CAST: variants seen among roughly 807,000 people sequenced by gnomAD.
CAST encodes the protein calpastatin.
A neutral mutation model predicts 119.6 loss-of-function variants in CAST; 76 were observed. That is an observed-to-expected ratio of 0.64 (90% CI 0.53 to 0.77). CAST has a LOEUF of 0.77. Ranked by LOEUF, CAST falls within the 30% of genes least tolerant of loss-of-function variation. The pLI is 0.00. For missense variants in CAST, 953 were observed against 946.5 expected, an observed-to-expected ratio of 1.01 and a Z score of -0.09; for synonymous variants, 319 against 331.6, an observed-to-expected ratio of 0.96 and a Z score of 0.41.
chr5:96,309,524 T>A, the CAST span, among the ~76,000 whole-genome samples: 8 of 152,220 alleles, frequency 5.3e-5, no homozygotes, highest in Non-Finnish European at 8.8e-5. Flanking sequence ...TGCACCTAGT[T>A]CGGTGTCTGC....
the CAST span, among the ~76,000 whole-genome samples, chr5:96,296,980 A>G: frequency 6.6e-6 from 1 of 152,128 alleles, no homozygotes; most frequent in Non-Finnish European, 1.5e-5. Context: ...GGTTTGCATT[A>G]CTCTGAATTG....
At chr5:96,517,902 G>C in the CAST span, among the ~76,000 whole-genome samples, 2 of 152,208 alleles carry the variant, frequency 1.3e-5, no homozygotes, top group Non-Finnish European at 2.9e-5. Context: ...ACTGTGTTAA[G>C]CCCTTTGTGA....
At chr5:96,753,732 C>T (rs562108425) in intron 20 of CAST, among the ~76,000 whole-genome samples, 2 of 152,294 alleles carry the variant, frequency 1.3e-5, no homozygotes, top group South Asian at 4.2e-4. Context: ...ATAAAGACCA[C>T]GTCTTTCTTT....
At chr5:96,668,252 A>T (rs983125705) in intron 1 of CAST, among the ~76,000 whole-genome samples, 14 of 152,208 alleles carry the variant, frequency 9.2e-5, no homozygotes, top group African/African-American at 3.4e-4. Flanking sequence ...TTGTTGGGAA[A>T]ATGAATTCTT....
At chr5:95,965,539 A>G in the CAST span, among the ~76,000 whole-genome samples, 4 of 152,234 alleles carry the variant, frequency 2.6e-5, no homozygotes, top group Non-Finnish European at 5.9e-5. Flanking sequence ...AAAAGAGAAC[A>G]TAGAACCTTA....
the CAST span, among the ~76,000 whole-genome samples, chr5:96,281,627 C>T: frequency 1.3e-5 from 2 of 152,156 alleles, no homozygotes; most frequent in Non-Finnish European, 2.9e-5. Context: ...CCCTGGTTCA[C>T]AATGGAGCTC....
chr5:96,094,424 CT>C, the CAST span, among the ~76,000 whole-genome samples: 5,090 of 143,978 alleles, frequency 0.035, 131 homozygotes, highest in South Asian at 0.081. Flanking sequence ...GTAGGGTGAC[CT>C]TTTTTTTTTT....
the CAST span, among the ~76,000 whole-genome samples, chr5:96,221,748 GA>G: frequency 2.9e-4 from 44 of 151,372 alleles, 1 homozygote; most frequent in Non-Finnish European, 2.5e-4. Flanking sequence ...CACAGAAATA[GA>G]AAAAAAATCC....
At chr5:96,226,433 T>C in the CAST span, among the ~76,000 whole-genome samples, 1 of 152,120 alleles carries the variant, frequency 6.6e-6, no homozygotes, top group African/African-American at 2.4e-5. Flanking sequence ...GGCAGATTGC[T>C]TGAGCTCAGG....
the CAST span, among the ~76,000 whole-genome samples, chr5:96,047,019 G>C: frequency 6.6e-6 from 1 of 152,130 alleles, no homozygotes; most frequent in Non-Finnish European, 1.5e-5. Flanking sequence ...TTGAGATTTG[G>C]GTAGGGACAC....
chr5:96,595,509 A>G (rs926514229), intron 1 of CAST, among the ~76,000 whole-genome samples: 1 of 152,212 alleles, frequency 6.6e-6, no homozygotes, highest in African/African-American at 2.4e-5. Context: ...AAGTGGGGTC[A>G]GGGAATCTTC....
At chr5:96,392,675 C>A in the CAST span, 1 of 247,478 alleles carries the variant, frequency 4.0e-6, no homozygotes, top group Non-Finnish European at 7.7e-6. Flanking sequence ...TTTGCCTTTT[C>A]TTTTGAGAAT....
the CAST span, among the ~76,000 whole-genome samples, chr5:96,184,105 C>G: frequency 1.3e-5 from 2 of 152,156 alleles, no homozygotes; most frequent in Non-Finnish European, 2.9e-5. Flanking sequence ...CTGACATTGT[C>G]TTTGGCCAGG....
intron 1 of CAST, among the ~76,000 whole-genome samples, chr5:96,540,691 T>C (rs139767326): frequency 6.6e-6 from 1 of 152,366 alleles, no homozygotes; most frequent in East Asian, 1.9e-4. Flanking sequence ...ACTACATAAC[T>C]TGTGGTTCTC....
At chr5:96,503,390 C>T in the CAST span, among the ~76,000 whole-genome samples, 1 of 152,150 alleles carries the variant, frequency 6.6e-6, no homozygotes, top group East Asian at 1.9e-4. Context: ...TATTTGAGCT[C>T]TGCCTTAAAC....
intron 1 of CAST, among the ~76,000 whole-genome samples, chr5:96,641,505 C>T (rs1747949475): frequency 6.6e-6 from 1 of 152,168 alleles, no homozygotes; most frequent in Non-Finnish European, 1.5e-5. Context: ...TAACTAGCGC[C>T]ATGTGAATCG....
the CAST span, among the ~76,000 whole-genome samples, chr5:96,442,212 C>T: frequency 6.6e-6 from 1 of 152,170 alleles, no homozygotes; most frequent in Non-Finnish European, 1.5e-5. Context: ...TCCTCTCTAC[C>T]CCTTACCAGC....
the CAST span, among the ~76,000 whole-genome samples, chr5:96,520,252 A>T: frequency 2.0e-5 from 3 of 152,284 alleles, no homozygotes; most frequent in South Asian, 4.2e-4. Context: ...CTGTTTCCCA[A>T]CACTGATTTG....
chr5:96,167,910 C>A, the CAST span, among the ~76,000 whole-genome samples: 2 of 152,094 alleles, frequency 1.3e-5, no homozygotes, highest in Non-Finnish European at 2.9e-5. Flanking sequence ...CCTGAACAAT[C>A]CCTGAGGAGT....
Sources: gnomAD v4.1 joint callset for allele counts (sites outside exome capture counted in the v4.1 genomes callset) on GRCh38, gnomAD v4.1.1 for gene constraint, MANE v1.5 for transcripts, NCBI Gene and HGNC (gene_info 2026-07-23, HGNC 2026-07-21) for gene names.